WNT7B: variants seen among roughly 807,000 people sequenced by gnomAD.
WNT7B encodes the protein protein Wnt-7b.
In WNT7B, 19 loss-of-function variants were observed where a neutral mutation model predicts 38.2. That is an observed-to-expected ratio of 0.50 (90% CI 0.35 to 0.73). The LOEUF (loss-of-function observed/expected upper bound fraction) is 0.73, where lower values mean the gene tolerates loss of function less well. Among genes scored for constraint, WNT7B ranks in the 30% least tolerant of loss-of-function variants. WNT7B has a pLI of 0.01. For missense variants in WNT7B, 423 were observed against 507.9 expected, an observed-to-expected ratio of 0.83 and a Z score of 1.61; for synonymous variants, 243 against 209.3, an observed-to-expected ratio of 1.16 and a Z score of -1.39.
rs544243555 is a variant in WNT7B, at chr22:45,966,095, G to A, written c.71+10589C>T. Among the ~76,000 whole-genome samples the A allele has an allele frequency of 2.0e-5, 3 of 152,292 alleles. No homozygotes were observed. The highest frequency in any genetic ancestry group is 7.2e-5 in the African/African-American group (3 of 41,556). On this transcript the variant is annotated intron_variant, in intron 1 of 3. Transcript: ENST00000339464. This position sits in a 1 kb window ranked among gnomAD's most constrained non-coding sequence, Gnocchi z 4.2. ...CCTAGCTCCCCTTCTCTGGCAGCCC[G>A]AGGGGGACACAGATTCCAAAGCAGA...
At chr22:45,969,822 A>C (rs1932393169) in intron 1 of WNT7B, among the ~76,000 whole-genome samples, 1 of 152,196 alleles carries the variant, frequency 6.6e-6, no homozygotes, top group African/African-American at 2.4e-5. Flanking sequence ...TCTGGAGCAG[A>C]ATGAAGCCTC....
intron 2 of WNT7B, among the ~76,000 whole-genome samples, chr22:45,933,439 C>A (rs375620739): frequency 1.3e-5 from 2 of 152,202 alleles, no homozygotes; most frequent in African/African-American, 2.4e-5. Context: ...TAAATTAGGT[C>A]AAGATGATGC....
intron 3 of WNT7B, chr22:45,926,059 C>A: frequency 1.0e-6 from 1 of 985,476 alleles, no homozygotes; most frequent in Non-Finnish European, 1.2e-6. Flanking sequence ...TAATCGGCTC[C>A]CGCAGGGCCA....
At chr22:45,929,547 ACCATCCTTCCAC>A (rs372490973) in intron 3 of WNT7B, among the ~76,000 whole-genome samples, 2,614 of 118,946 alleles carry the variant, frequency 0.022, 30 homozygotes, top group Middle Eastern at 0.054. Context: ...CATCCTTCCA[ACCATCCTTCCAC>A]CCATCCCCTC....
intron 2 of WNT7B, among the ~76,000 whole-genome samples, chr22:45,947,169 T>C (rs944391857): frequency 1.3e-5 from 2 of 152,180 alleles, no homozygotes; most frequent in Admixed American, 1.3e-4. Context: ...AGGAGTCAGA[T>C]ACGCCCGAAG....
rs979062061 is a variant in WNT7B at position 45,922,714 on chromosome 22, G to A, written c.*142C>T. 9 of 1,347,338 alleles carry A rather than the reference G, an allele frequency of 6.7e-6. No homozygotes were observed. Among genetic ancestry groups the A allele is most frequent in the South Asian group, 4.4e-5 (3 of 67,930 alleles). The allele number at this position is 1,347,338 out of a possible 1,614,324, so 83.5% of individuals were successfully genotyped here. On this transcript the variant is annotated 3_prime_UTR_variant, in exon 4 of 4. Transcript: ENST00000339464. ...CGGGCAGAGGGCGTGGGCCCCGGCC[G>A]GTGCCCTCCTGCACCTGGAGCTCCC... is the stretch of plus-strand genomic sequence containing the variant.
intron 2 of WNT7B, among the ~76,000 whole-genome samples, chr22:45,931,944 GCT>G (rs2146714208): frequency 6.6e-6 from 1 of 152,308 alleles, no homozygotes; most frequent in African/African-American, 2.4e-5. Flanking sequence ...CAGCTCAGAA[GCT>G]CTTTGTTGCC....
At position 45,951,018 on chromosome 22, in the gene WNT7B, G is replaced by A. The variant is rs573002437; in HGVS notation, c.72-872C>T. ...GACCTGAAGCCCTAGACAAGAACCC[G>A]CAGGTCACGCTCACTCTACTTCAAG... On this transcript the variant is annotated intron_variant, in intron 1 of 3. Coordinates refer to ENST00000339464, the MANE Select transcript of WNT7B (RefSeq NM_058238.3). This position sits in a 1 kb window ranked among gnomAD's most constrained non-coding sequence, Gnocchi z 4.8. Among the ~76,000 whole-genome samples the A allele has an allele frequency of 2.0e-5, 3 of 152,294 alleles. No individual in the cohort carries two copies. Among genetic ancestry groups the A allele is most frequent in the African/African-American group, 7.2e-5 (3 of 41,570 alleles).
chr22:45,926,391 G>A (rs1379492794), intron 3 of WNT7B: 2 of 985,246 alleles, frequency 2.0e-6, no homozygotes, highest in African/African-American at 3.5e-5. Flanking sequence ...GGCCTGGTTG[G>A]GCAGGGGGGT....
rs1269151843 is a variant in WNT7B at position 45,965,538 on chromosome 22, C to G, written c.71+11146G>C. ...CACCACCCAGATGGGGAAACTGAGG[C>G]CCAGAGAAGGGGAGGGATACCCTCA... On this transcript the variant is annotated intron_variant, in intron 1 of 3. Transcript: ENST00000339464. This position sits in a 1 kb window ranked among gnomAD's most constrained non-coding sequence, Gnocchi z 6.5. Among the ~76,000 whole-genome samples, 1 of 152,112 alleles carries G rather than the reference C, an allele frequency of 6.6e-6. No homozygotes were observed. The highest frequency in any genetic ancestry group is 2.4e-5 in the African/African-American group (1 of 41,414).
intron 2 of WNT7B, among the ~76,000 whole-genome samples, chr22:45,944,413 G>C (rs754235273): frequency 1.6e-4 from 25 of 152,208 alleles, no homozygotes. Context: ...TTCCCGGGGA[G>C]GGGCAGCCCC....
intron 3 of WNT7B, chr22:45,926,047 G>A (rs898906694): frequency 9.1e-6 from 9 of 985,322 alleles, no homozygotes; most frequent in African/African-American, 3.5e-5. Flanking sequence ...CCCGCCTGGG[G>A]ATAATCGGCT....
intron 2 of WNT7B, among the ~76,000 whole-genome samples, chr22:45,941,473 T>G (rs1931645322): frequency 6.9e-6 from 1 of 144,276 alleles, no homozygotes; most frequent in Non-Finnish European, 1.5e-5. Flanking sequence ...ATCGCGTCAG[T>G]GCACTCCAGC....
intron 2 of WNT7B, among the ~76,000 whole-genome samples, chr22:45,934,375 C>T (rs1176502433): frequency 2.0e-5 from 3 of 152,164 alleles, no homozygotes; most frequent in Admixed American, 1.3e-4. Flanking sequence ...GGGAAAGGCG[C>T]AGCTGTAGGC....
At chr22:45,967,934 G>T (rs1286345335) in intron 1 of WNT7B, among the ~76,000 whole-genome samples, 2 of 152,118 alleles carry the variant, frequency 1.3e-5, no homozygotes, top group Non-Finnish European at 1.5e-5. Context: ...GACTGCATAG[G>T]GGGAGCTTCC....
At chr22:45,970,080 C>A (rs575611902) in intron 1 of WNT7B, among the ~76,000 whole-genome samples, 2 of 152,210 alleles carry the variant, frequency 1.3e-5, no homozygotes, top group African/African-American at 4.8e-5. Flanking sequence ...GTCAGCCTTG[C>A]GCCCACCAAA....
In WNT7B at chr22:45,935,915, C is replaced by T. The variant is rs79054535; in HGVS notation, c.299-4546G>A. The T allele has an allele frequency of 2.0e-3, 1,939 of 985,072 alleles. 22 individuals carry two copies. The African/African-American group carries it at 0.032, about 16-fold the overall frequency. The allele number at this position is 985,072 out of a possible 1,614,324, so 61.0% of individuals were successfully genotyped here. ...GCAGCACGGATGCTCTGTTTGGGGC[C>T]GGCAGCTGTCCTGCTGGTACACTTG... On this transcript the variant is annotated intron_variant, in intron 2 of 3. Transcript: ENST00000339464.
At chr22:45,953,133 CCCGG>C (rs1439147232) in intron 1 of WNT7B, among the ~76,000 whole-genome samples, 46,417 of 119,398 alleles carry the variant, frequency 0.39, 10,745 homozygotes, top group African/African-American at 0.52. Flanking sequence ...CGTGTCCGTG[CCCGG>C]CTTCCCCTCA....
intron 2 of WNT7B, chr22:45,935,850 C>T: frequency 3.0e-6 from 3 of 985,410 alleles, no homozygotes; most frequent in Non-Finnish European, 3.6e-6. Flanking sequence ...AGCTCAGCAG[C>T]TGCCCTAGAT....
Sources: gnomAD v4.1 joint callset for allele counts (sites outside exome capture counted in the v4.1 genomes callset) on GRCh38, gnomAD v4.1.1 for gene constraint, Gnocchi (gnomAD v3.1) non-coding constraint, MANE v1.5 for transcripts, NCBI Gene and HGNC (gene_info 2026-07-23, HGNC 2026-07-21) for gene names.